Variants in TULP4 observed in about 807,000 individuals in gnomAD.
TULP4 encodes the protein TUB like protein 4.
TULP4 carries 16 observed loss-of-function variants against 129.0 expected under a neutral mutation model. That is an observed-to-expected ratio of 0.12 (90% CI 0.08 to 0.19). The LOEUF is 0.19. Among genes scored for constraint, TULP4 ranks in the 10% least tolerant of loss-of-function variants. The pLI is 1.00. For synonymous variants in TULP4, 998 were observed against 854.0 expected (o/e 1.17, Z -2.94); for missense variants, 1,842 against 2,059.1 (o/e 0.89, Z 2.04).
intron 1 of TULP4, among the ~76,000 whole-genome samples, chr6:158,236,197 T>C (rs1200832079): frequency 1.3e-5 from 2 of 152,242 alleles, no homozygotes; most frequent in Admixed American, 1.3e-4. Context: ...GAAAAGTCTT[T>C]CTAAGCTTAA....
intron 2 of TULP4, among the ~76,000 whole-genome samples, chr6:158,423,618 T>TGTC (rs55973022): frequency 1.5e-5 from 2 of 131,522 alleles, no homozygotes; most frequent in Admixed American, 1.5e-4. Context: ...TGTTTGTTGT[T>TGTC]ATTTGTTTTT....
chr6:158,445,664 A>G (rs1443124099), intron 3 of TULP4, among the ~76,000 whole-genome samples: 2 of 152,220 alleles, frequency 1.3e-5, no homozygotes, highest in East Asian at 1.9e-4. Context: ...AGCACCTGCC[A>G]TGAACCAGCT....
chr6:158,342,947 ATGTGTGTGTGTGTGTG>A (rs5881254), intron 1 of TULP4, among the ~76,000 whole-genome samples: 24 of 147,506 alleles, frequency 1.6e-4, no homozygotes, highest in Admixed American at 2.0e-4. Flanking sequence ...TTAAAAATAA[ATGTGTGTGTGTGTGTG>A]TGTGTGTGTG....
At chr6:158,441,153 T>A (rs1014918647) in intron 3 of TULP4, among the ~76,000 whole-genome samples, 4 of 152,022 alleles carry the variant, frequency 2.6e-5, no homozygotes, top group African/African-American at 9.7e-5. Flanking sequence ...CCGTATCTAT[T>A]AAAATACAAA....
At chr6:158,265,013 A>G (rs998770665) in intron 1 of TULP4, among the ~76,000 whole-genome samples, 2 of 152,242 alleles carry the variant, frequency 1.3e-5, no homozygotes, top group African/African-American at 2.4e-5. Flanking sequence ...AGAGCAGTCA[A>G]GTTACTACTG....
intron 1 of TULP4, among the ~76,000 whole-genome samples, chr6:158,341,100 C>T (rs979541247): frequency 6.6e-6 from 1 of 152,094 alleles, no homozygotes; most frequent in Non-Finnish European, 1.5e-5. Context: ...CAACCCTTCC[C>T]AGCTTCTGGT....
chr6:158,312,115 G>A (rs1317003206), upstream of TULP4: 2 of 398,082 alleles, frequency 5.0e-6, no homozygotes, highest in Non-Finnish European at 8.8e-6. Flanking sequence ...GACTGGGGAA[G>A]CAGACGCTTC....
chr6:158,481,108 C>T lies in TULP4; in HGVS notation c.1305C>T (p.Ala435=), dbSNP rs149387150. The change falls in exon 8 of 14, where the codon GCC becomes GCT. Residue 435 remains alanine (A), a synonymous_variant. Coordinates refer to ENST00000367097, the MANE Select transcript of TULP4 (RefSeq NM_020245.5). ...NMRDFVSYPS[A]GNERLHCTMK... is the part of the protein sequence containing the mutation. ...GAGACTTTGTCAGCTACCCATCAGC[C>T]GGCAACGAGCGGCTGCACTGCACCA... 2.6e-4 allele frequency: 414 copies of T among 1,600,172 alleles called. 3 individuals are homozygous for T. In the African/African-American group the frequency reaches 3.9e-3, roughly 15 times the overall value.
At chr6:158,444,324 A>C (rs341126) in intron 3 of TULP4, among the ~76,000 whole-genome samples, 2 of 143,024 alleles carry the variant, frequency 1.4e-5, no homozygotes, top group Non-Finnish European at 3.0e-5. Flanking sequence ...GAGGGGCATC[A>C]TGGCTATTTT....
At chr6:158,261,809 G>T (rs1464513761) in intron 1 of TULP4, among the ~76,000 whole-genome samples, 1 of 152,054 alleles carries the variant, frequency 6.6e-6, no homozygotes, top group Non-Finnish European at 1.5e-5. Flanking sequence ...TTTAGCCTCA[G>T]AGTTCCTCAC....
chr6:158,394,104 A>G (rs1162731686), intron 1 of TULP4, among the ~76,000 whole-genome samples: 1 of 152,214 alleles, frequency 6.6e-6, no homozygotes, highest in Non-Finnish European at 1.5e-5. Context: ...TTCTTCTGGC[A>G]GATACCCTAA....
At chr6:158,500,109 C>T (rs1299454599) in intron 12 of TULP4, among the ~76,000 whole-genome samples, 3 of 152,164 alleles carry the variant, frequency 2.0e-5, no homozygotes, top group Non-Finnish European at 2.9e-5. Context: ...TCCCAAAATG[C>T]GAGGAATACA....
chr6:158,383,175 G>A (rs1190887311), intron 1 of TULP4, among the ~76,000 whole-genome samples: 1 of 152,148 alleles, frequency 6.6e-6, no homozygotes, highest in Non-Finnish European at 1.5e-5. Flanking sequence ...GCGGGGCCTG[G>A]ACTTGAAATT....
At chr6:158,495,261 C>T (rs1780307541) in intron 11 of TULP4, among the ~76,000 whole-genome samples, 1 of 152,072 alleles carries the variant, frequency 6.6e-6, no homozygotes, top group African/African-American at 2.4e-5. Flanking sequence ...CCACATTGTC[C>T]ATGCTGGTCT....
At chr6:158,270,331 G>C (rs905134992) in intron 1 of TULP4, among the ~76,000 whole-genome samples, 1 of 152,118 alleles carries the variant, frequency 6.6e-6, no homozygotes, top group African/African-American at 2.4e-5. Flanking sequence ...GCCAGGGACC[G>C]GTCATTCCAG....
At position 158,481,062 on chromosome 6, in the gene TULP4, T is replaced by G; in HGVS notation, c.1259T>G (p.Ile420Ser). Reference protein sequence around the residue: ...TAFIPTIKPPIPDPNNMRDFV... With the variant: ...TAFIPTIKPPSPDPNNMRDFV... ...TCTTCCTGTATCCTCCAGCCCCCAA[T>G]TCCAGATCCGAACAACATGAGAGAC... Residue 420 changes from isoleucine (I) to serine (S), a missense_variant, in exon 8 of 14, where the codon ATT becomes AGT. By Grantham distance (142) the Ile-to-Ser change is moderately radical (BLOSUM62 -2). Transcript: ENST00000367097. The G allele has an allele frequency of 6.4e-7, 1 of 1,565,078 alleles. No individual in the cohort carries two copies. The highest frequency in any genetic ancestry group is 2.3e-5 in the East Asian group (1 of 44,246).
At chr6:158,309,382 G>C (rs1413477493), upstream of TULP4, among the ~76,000 whole-genome samples, 809 of 148,518 alleles carry the variant, frequency 5.4e-3, 2 homozygotes, top group Non-Finnish European at 9.0e-3. Context: ...TGGCGGCCGG[G>C]CAGAGACGCT....
intron 3 of TULP4, among the ~76,000 whole-genome samples, chr6:158,440,252 A>C (rs1403475402): frequency 2.0e-5 from 3 of 146,360 alleles, no homozygotes; most frequent in African/African-American, 7.5e-5. Flanking sequence ...CAGGAGGTTG[A>C]GACCACAGTG....
chr6:158,368,066 C>CAAAAA (rs3085241), intron 1 of TULP4, among the ~76,000 whole-genome samples: 771 of 64,714 alleles, frequency 0.012, 34 homozygotes, highest in Non-Finnish European at 0.014. Context: ...ACCCTGTCTC[C>CAAAAA]AAAAAAAAAA....
Sources: allele counts gnomAD v4.1 joint callset (sites outside exome capture counted in the v4.1 genomes callset), GRCh38; gene constraint gnomAD v4.1.1; transcripts MANE v1.5; gene names NCBI Gene and HGNC (gene_info 2026-07-23, HGNC 2026-07-21).